PPP1R9A: variants seen among roughly 807,000 people sequenced by gnomAD.
PPP1R9A encodes neurabin-1.
PPP1R9A carries 59 observed loss-of-function variants against 141.9 expected under a neutral mutation model. The ratio of observed to expected loss-of-function variants is 0.42; its 90% CI spans 0.34 to 0.52. The LOEUF is 0.52. PPP1R9A is among the 20% of genes least tolerant of loss of function. PPP1R9A has a pLI of 0.10. For missense variants in PPP1R9A, 1,444 were observed against 1,611.9 expected (o/e 0.90, Z 1.78); for synonymous variants, 500 against 569.7 (o/e 0.88, Z 1.74).
At chr7:95,242,060 T>G in intron 8 of PPP1R9A, among the ~76,000 whole-genome samples, 2 of 152,186 alleles carry the variant, frequency 1.3e-5, no homozygotes, top group East Asian at 3.9e-4. Flanking sequence ...TAGTTCATTT[T>G]GCATACATGA....
chr7:95,164,973 G>C (rs1386223235), intron 5 of PPP1R9A, among the ~76,000 whole-genome samples: 2 of 151,450 alleles, frequency 1.3e-5, no homozygotes, highest in African/African-American at 4.9e-5. Context: ...CCACTTTCCT[G>C]CTTTGCCCCC....
At chr7:95,058,836 C>T (rs1811834999) in intron 2 of PPP1R9A, among the ~76,000 whole-genome samples, 1 of 151,876 alleles carries the variant, frequency 6.6e-6, no homozygotes, top group African/African-American at 2.4e-5. Flanking sequence ...GTTACCCAGG[C>T]TAGGGTGCAG....
intron 7 of PPP1R9A, among the ~76,000 whole-genome samples, chr7:95,215,769 A>G (rs540959171): frequency 6.6e-6 from 1 of 152,052 alleles, no homozygotes; most frequent in South Asian, 2.1e-4. Context: ...ATAAATGTCT[A>G]CTTTTGAGAA....
chr7:95,249,182 C>T (rs1408103090), intron 9 of PPP1R9A, among the ~76,000 whole-genome samples: 8 of 152,004 alleles, frequency 5.3e-5, no homozygotes, highest in Non-Finnish European at 1.0e-4. Context: ...CTTTCTGTTC[C>T]GTGGGAGGGA....
chr7:95,029,419 T>C (rs559713351), intron 2 of PPP1R9A, among the ~76,000 whole-genome samples: 6 of 152,284 alleles, frequency 3.9e-5, no homozygotes, highest in African/African-American at 1.4e-4. Flanking sequence ...GGAAAAACAA[T>C]TAGAGAAATT....
At chr7:95,187,618 G>C (rs2152818493) in intron 5 of PPP1R9A, among the ~76,000 whole-genome samples, 1 of 152,116 alleles carries the variant, frequency 6.6e-6, no homozygotes, top group African/African-American at 2.4e-5. Flanking sequence ...TGCTCTGTTG[G>C]ACTTTTTGAT....
intron 5 of PPP1R9A, among the ~76,000 whole-genome samples, chr7:95,180,922 G>T (rs931002743): frequency 2.6e-5 from 4 of 151,994 alleles, no homozygotes; most frequent in African/African-American, 9.7e-5. Flanking sequence ...TACACTGCTG[G>T]TGGGAATGTA....
intron 1 of PPP1R9A, chr7:94,908,652 C>G (rs561088359): frequency 3.9e-5 from 6 of 152,384 alleles, no homozygotes; most frequent in African/African-American, 1.2e-4. Context: ...CCCGGCGGCC[C>G]CATCTCCCCC....
intron 1 of PPP1R9A, chr7:94,908,560 T>C (rs1188219388): frequency 6.6e-6 from 1 of 152,152 alleles, no homozygotes; most frequent in Non-Finnish European, 1.5e-5. Flanking sequence ...AGGGATTGCG[T>C]CCCGAACCGG....
intron 4 of PPP1R9A, among the ~76,000 whole-genome samples, chr7:95,131,695 A>G (rs1824661518): frequency 7.1e-6 from 1 of 140,076 alleles, no homozygotes; most frequent in Admixed American, 7.0e-5. Context: ...CTGAATTTTT[A>G]ATTTTATATA....
intron 2 of PPP1R9A, among the ~76,000 whole-genome samples, chr7:95,015,188 C>T (rs1804921016): frequency 6.6e-6 from 1 of 150,710 alleles, no homozygotes; most frequent in Admixed American, 6.6e-5. Flanking sequence ...TCTTAGTGGG[C>T]AAACATAAAA....
chr7:95,173,832 C>G (rs1167657993), intron 5 of PPP1R9A, among the ~76,000 whole-genome samples: 1 of 151,944 alleles, frequency 6.6e-6, no homozygotes, highest in Non-Finnish European at 1.5e-5. Flanking sequence ...CTACTGTACA[C>G]CTGCTAAAAA....
intron 5 of PPP1R9A, among the ~76,000 whole-genome samples, chr7:95,164,832 C>T (rs1261443290): frequency 7.0e-6 from 1 of 143,178 alleles, no homozygotes; most frequent in Non-Finnish European, 1.5e-5. Flanking sequence ...GCTCCATTCT[C>T]TCTTCCTAGA....
intron 2 of PPP1R9A, among the ~76,000 whole-genome samples, chr7:94,942,500 T>A (rs1420146453): frequency 1.3e-5 from 2 of 152,134 alleles, no homozygotes; most frequent in Non-Finnish European, 2.9e-5. Flanking sequence ...GTAAGTATTG[T>A]CTATGGCTGC....
At chr7:94,976,782 A>T (rs1023463810) in intron 2 of PPP1R9A, among the ~76,000 whole-genome samples, 5 of 152,100 alleles carry the variant, frequency 3.3e-5, no homozygotes, top group African/African-American at 1.2e-4. Flanking sequence ...GGAATCTTTT[A>T]TTTATTAATC....
chr7:95,052,057 C>T (rs1810893700), intron 2 of PPP1R9A, among the ~76,000 whole-genome samples: 1 of 152,010 alleles, frequency 6.6e-6, no homozygotes, highest in Non-Finnish European at 1.5e-5. Context: ...CCAGGTTGGT[C>T]TTAAACTCCT....
chr7:95,048,606 G>C (rs1426942532), intron 2 of PPP1R9A, among the ~76,000 whole-genome samples: 1 of 151,882 alleles, frequency 6.6e-6, no homozygotes, highest in Non-Finnish European at 1.5e-5. Context: ...GCAGTGGCGC[G>C]ATCTTGGCTC....
chr7:95,152,141 G>A (rs535298047), intron 4 of PPP1R9A, among the ~76,000 whole-genome samples: 36 of 151,472 alleles, frequency 2.4e-4, no homozygotes, highest in Admixed American at 2.0e-3. Flanking sequence ...TAGTAGAGAC[G>A]GGGTTTCACC....
chr7:94,953,068 T>C (rs1482349511), intron 2 of PPP1R9A, among the ~76,000 whole-genome samples: 1 of 152,218 alleles, frequency 6.6e-6, no homozygotes, highest in Non-Finnish European at 1.5e-5. Context: ...CTTGGTTTTC[T>C]TCTAGGGTTT....
Sources: gnomAD v4.1 joint callset for allele counts (sites outside exome capture counted in the v4.1 genomes callset) on GRCh38, gnomAD v4.1.1 for gene constraint, MANE v1.5 for transcripts, NCBI Gene and HGNC (gene_info 2026-07-23, HGNC 2026-07-21) for gene names.